RBFOX1: variants seen among roughly 807,000 people sequenced by gnomAD.
RBFOX1 encodes the protein RNA binding protein fox-1 homolog 1.
In RBFOX1, 8 loss-of-function variants were observed where a neutral mutation model predicts 57.7. The ratio of observed to expected loss-of-function variants is 0.14; its 90% confidence interval spans 0.08 to 0.25. The LOEUF is 0.25. Among genes scored for constraint, RBFOX1 ranks in the 10% least tolerant of loss-of-function variants. The pLI is 1.00. For missense variants in RBFOX1, 611 were observed against 548.5 expected (o/e 1.11, Z -1.14); for synonymous variants, 326 against 222.4 (o/e 1.47, Z -4.15).
chr16:6,163,933 A>C (rs2096897470), intron 1 of RBFOX1, among the ~76,000 whole-genome samples: 1 of 152,210 alleles, frequency 6.6e-6, no homozygotes, highest in African/African-American at 2.4e-5. Context: ...TGAGGTTTAC[A>C]ATGTGATGTT....
intron 4 of RBFOX1, among the ~76,000 whole-genome samples, chr16:5,963,510 T>A (rs2059790148): frequency 6.6e-6 from 1 of 152,182 alleles, no homozygotes; most frequent in African/African-American, 2.4e-5. Context: ...TCAAATTATA[T>A]TACAAAGTTA....
At chr16:7,340,292 C>A (rs2096868414) in intron 4 of RBFOX1, among the ~76,000 whole-genome samples, 1 of 152,220 alleles carries the variant, frequency 6.6e-6, no homozygotes, top group African/African-American at 2.4e-5. Flanking sequence ...TAACTTTGCA[C>A]ACACCATCCC....
At chr16:6,876,477 C>G (rs1005350809) in intron 3 of RBFOX1, among the ~76,000 whole-genome samples, 6 of 152,266 alleles carry the variant, frequency 3.9e-5, no homozygotes, top group African/African-American at 9.6e-5. Flanking sequence ...GTTTTTGTCA[C>G]TATTTTATCT....
chr16:6,580,696 A>T (rs1368609499), intron 2 of RBFOX1, among the ~76,000 whole-genome samples: 1 of 152,182 alleles, frequency 6.6e-6, no homozygotes, highest in Non-Finnish European at 1.5e-5. Context: ...AGGCATCATT[A>T]TTCTCCTTAC....
intron 2 of RBFOX1, among the ~76,000 whole-genome samples, chr16:5,552,952 C>T (rs902600769): frequency 1.4e-4 from 21 of 151,958 alleles, no homozygotes; most frequent in African/African-American, 3.1e-4. Context: ...ACTATGCAGC[C>T]ATAAAAAGGA....
At chr16:5,778,640 T>C (rs1358696473) in intron 3 of RBFOX1, among the ~76,000 whole-genome samples, 4 of 152,168 alleles carry the variant, frequency 2.6e-5, no homozygotes, top group Non-Finnish European at 4.4e-5. Context: ...CATGGATCCG[T>C]TGATTGCATC....
rs1489029015 is a variant in RBFOX1 at position 7,537,671 on chromosome 16, A to G, written c.270+19282A>G. Among the ~76,000 whole-genome samples the G allele has an allele frequency of 2.6e-5, 4 of 152,186 alleles. No homozygotes were observed. The East Asian group carries it at 5.8e-4, about 22-fold the overall frequency. On this transcript the variant is annotated intron_variant, in intron 5 of 15. Transcript: ENST00000550418. ...TGCCAAGGGAAGTAGGAATCAGGAA[A>G]TGGTGGCTTCTAACGTGATTTCATC...
At chr16:7,678,948 G>C (rs937953726) in intron 14 of RBFOX1, among the ~76,000 whole-genome samples, 2 of 152,114 alleles carry the variant, frequency 1.3e-5, no homozygotes, top group African/African-American at 4.8e-5. Context: ...AACTAATACT[G>C]TTGTCCATAT....
chr16:7,091,479 T>TA (rs1318802020), intron 4 of RBFOX1, among the ~76,000 whole-genome samples: 1 of 151,920 alleles, frequency 6.6e-6, no homozygotes, highest in Non-Finnish European at 1.5e-5. Flanking sequence ...GGGAGAGAGT[T>TA]ATGCCAGGCG....
chr16:7,472,150 A>G (rs1432080169), intron 4 of RBFOX1, among the ~76,000 whole-genome samples: 1 of 152,188 alleles, frequency 6.6e-6, no homozygotes, highest in Non-Finnish European at 1.5e-5. Flanking sequence ...TCTTCTTTTT[A>G]TCCATAGTTC....
At chr16:6,151,282 T>A (rs1416049398) in intron 1 of RBFOX1, among the ~76,000 whole-genome samples, 2 of 152,060 alleles carry the variant, frequency 1.3e-5, no homozygotes, top group Non-Finnish European at 2.9e-5. Context: ...GTTGCATAAT[T>A]AGTTGTTTTT....
chr16:6,514,819 T>C (rs1299544408), intron 2 of RBFOX1, among the ~76,000 whole-genome samples: 1 of 151,984 alleles, frequency 6.6e-6, no homozygotes, highest in African/African-American at 2.4e-5. Context: ...GAAGTGTTCA[T>C]GGATCCGCCC....
intron 2 of RBFOX1, among the ~76,000 whole-genome samples, chr16:6,610,705 G>A (rs2098034516): frequency 6.6e-6 from 1 of 152,290 alleles, no homozygotes; most frequent in South Asian, 2.1e-4. Context: ...AGATCAGATT[G>A]CGAAGTGGTC....
chr16:7,198,806 A>G lies in RBFOX1; in HGVS notation c.27+146708A>G, dbSNP rs138420749. Among the ~76,000 whole-genome samples, 322 of 152,318 alleles carry G rather than the reference A, an allele frequency of 2.1e-3. 1 individual carries two copies. The highest frequency in any genetic ancestry group is 7.3e-3 in the African/African-American group (304 of 41,568). Reference sequence around the variant, plus strand: ...TCACCTCCCAACACTGTTGCAATGGATATTAAATTTCTGACACATGGACTT... The same window carrying G: ...TCACCTCCCAACACTGTTGCAATGGGTATTAAATTTCTGACACATGGACTT... On this transcript the variant is annotated intron_variant, in intron 4 of 15. Transcript: ENST00000550418.
At chr16:6,670,242 T>A (rs77616264) in intron 3 of RBFOX1, among the ~76,000 whole-genome samples, 14 of 152,206 alleles carry the variant, frequency 9.2e-5, no homozygotes, top group East Asian at 1.9e-4. Context: ...TTTTTTTTTT[T>A]AATTTTTGTA....
At chr16:7,557,027 T>G (rs117141263) in intron 5 of RBFOX1, among the ~76,000 whole-genome samples, 3,631 of 152,310 alleles carry the variant, frequency 0.024, 65 homozygotes, top group Middle Eastern at 0.051. Context: ...TATCAATTAT[T>G]GAACAGTTAT....
At chr16:7,231,380 C>T (rs2093483361) in intron 4 of RBFOX1, among the ~76,000 whole-genome samples, 2 of 152,110 alleles carry the variant, frequency 1.3e-5, no homozygotes. Flanking sequence ...CAGCAGGGTT[C>T]ATGATGAGGG....
chr16:5,674,106 C>T (rs2050096569), intron 3 of RBFOX1, among the ~76,000 whole-genome samples: 9 of 152,184 alleles, frequency 5.9e-5, no homozygotes, highest in Admixed American at 5.9e-4. Flanking sequence ...GGTGATTCTA[C>T]AGCAAAAGAC....
At chr16:7,302,953 AAAAT>A (rs919295099) in intron 4 of RBFOX1, among the ~76,000 whole-genome samples, 8 of 152,346 alleles carry the variant, frequency 5.3e-5, no homozygotes, top group African/African-American at 7.2e-5. Flanking sequence ...AAGAATAAAA[AAAAT>A]AAATAAATAA....
Sources: gnomAD v4.1 joint callset for allele counts (sites outside exome capture counted in the v4.1 genomes callset) on GRCh38, gnomAD v4.1.1 for gene constraint, MANE v1.5 for transcripts, NCBI Gene and HGNC (gene_info 2026-07-23, HGNC 2026-07-21) for gene names.